GLI3: variants seen among roughly 807,000 people sequenced by gnomAD.
The protein encoded by GLI3 is GLI family zinc finger 3.
In GLI3, 20 loss-of-function variants were observed where a neutral mutation model predicts 100.8. The ratio of observed to expected loss-of-function variants is 0.20; its 90% CI spans 0.14 to 0.29. GLI3 has a LOEUF of 0.29. Among genes scored for constraint, GLI3 ranks in the 10% least tolerant of loss-of-function variants. The pLI is 1.00. For missense variants in GLI3, 2,040 were observed against 2,128.5 expected (o/e 0.96, Z 0.82); for synonymous variants, 938 against 860.5 (o/e 1.09, Z -1.58).
rs1787003910 is a variant in GLI3 at position 41,961,228 on chromosome 7, G to T, written c.*3102C>A. ...TTATTTTTTAAAAAAATCTAAAAAA[G>T]GTGAAAAAAATGAACTTGTATTTTA... is the stretch of plus-strand genomic sequence containing the variant. On this transcript the variant is annotated 3_prime_UTR_variant, in exon 15 of 15. Transcript: ENST00000395925. 1 of 152,474 alleles carries T rather than the reference G, an allele frequency of 6.6e-6. No homozygotes were observed. The highest frequency in any genetic ancestry group is 2.4e-5 in the African/African-American group (1 of 41,388). 9.4% of individuals were successfully genotyped at this position (152,474 alleles called of 1,614,324 possible).
At chr7:42,006,585 G>T (rs1308865881) in intron 10 of GLI3, among the ~76,000 whole-genome samples, 1 of 152,214 alleles carries the variant, frequency 6.6e-6, no homozygotes, top group Non-Finnish European at 1.5e-5. Context: ...TGAGGCTACA[G>T]ATATCCTATC....
chr7:42,115,949 C>T (rs763789818), intron 3 of GLI3, among the ~76,000 whole-genome samples: 5 of 152,048 alleles, frequency 3.3e-5, no homozygotes, highest in African/African-American at 9.7e-5. Flanking sequence ...TGTGGGTTGT[C>T]TTGGGTTTTC....
At chr7:42,123,409 T>G (rs1358234237) in intron 3 of GLI3, among the ~76,000 whole-genome samples, 1 of 152,196 alleles carries the variant, frequency 6.6e-6, no homozygotes, top group African/African-American at 2.4e-5. Flanking sequence ...GTCTATATTT[T>G]TGTTGACAGT....
chr7:42,133,944 G>T (rs1562749984), intron 3 of GLI3, among the ~76,000 whole-genome samples: 1 of 151,958 alleles, frequency 6.6e-6, no homozygotes, highest in Non-Finnish European at 1.5e-5. Context: ...TAGCCGGCGT[G>T]GTGTCGCGTG....
Position 41,961,879 on chromosome 7 carries a change from CCTT to C in GLI3, c.*2448_*2450del. 1 of 152,258 alleles carries C rather than the reference CCTT, an allele frequency of 6.6e-6. No homozygotes were observed. The highest frequency in any genetic ancestry group is 3.4e-3 in the Middle Eastern group (1 of 294). 9.4% of individuals were successfully genotyped at this position (152,258 alleles called of 1,614,324 possible). On this transcript the variant is annotated 3_prime_UTR_variant, in exon 15 of 15. Coordinates refer to ENST00000395925, the MANE Select transcript of GLI3 (RefSeq NM_000168.6). Reference sequence around the variant, plus strand: ...CTTCTTCCTCCCTCCTCTCCTCTGTCCTTCTGAAATTTCCATATTGAGAGAAGC... The same window carrying C: ...CTTCTTCCTCCCTCCTCTCCTCTGTCCTGAAATTTCCATATTGAGAGAAGC...
At chr7:42,109,419 T>C (rs1024170997) in intron 3 of GLI3, among the ~76,000 whole-genome samples, 2 of 152,166 alleles carry the variant, frequency 1.3e-5, no homozygotes, top group Non-Finnish European at 2.9e-5. Flanking sequence ...TATAATAAGA[T>C]ATTGCTGATG....
chr7:42,251,223 A>G (rs1789027434), intron 1 of GLI3, among the ~76,000 whole-genome samples: 2 of 152,008 alleles, frequency 1.3e-5, no homozygotes, highest in Non-Finnish European at 2.9e-5. Flanking sequence ...TTGGAAGACA[A>G]TTTTTCCACA....
chr7:41,976,546 C>T (rs1450049274), intron 12 of GLI3, among the ~76,000 whole-genome samples: 2 of 152,304 alleles, frequency 1.3e-5, no homozygotes, highest in East Asian at 3.9e-4. Flanking sequence ...GCCCAGCTCT[C>T]TGTCTGAAAG....
chr7:41,964,570 C>G lies in GLI3; in HGVS notation c.4503G>C (p.Gly1501=). The G allele has an allele frequency of 6.2e-6, 10 of 1,614,064 alleles. No individual in the cohort carries two copies. The highest frequency in any genetic ancestry group is 8.5e-6 in the Non-Finnish European group (10 of 1,179,912). Residue 1501 remains glycine (G), a synonymous_variant, in exon 15 of 15, where the codon GGG becomes GGC. Coordinates refer to ENST00000395925, the MANE Select transcript of GLI3 (RefSeq NM_000168.6). ...TGATGGCATCGAAGTCAATCTGTAC[C>G]CCTTCCAGGTCATGGCTGTCGAGGC... ...VDSLDSHDLE[G]VQIDFDAIID...
At chr7:42,261,978 CTCTTTCTTTCTT>C (rs141164464) in intron 1 of GLI3, among the ~76,000 whole-genome samples, 11 of 140,452 alleles carry the variant, frequency 7.8e-5, no homozygotes, top group Admixed American at 5.3e-4. Flanking sequence ...CTCTCGCTCT[CTCTTTCTTTCTT>C]TCTTTCTTTC....
intron 2 of GLI3, among the ~76,000 whole-genome samples, chr7:42,166,827 ATT>A (rs1218186592): frequency 8.8e-6 from 1 of 113,310 alleles, no homozygotes. Flanking sequence ...GACCAGCTAA[ATT>A]TTTTTTTTTT....
At chr7:42,234,629 G>A (rs1270932515) in intron 1 of GLI3, among the ~76,000 whole-genome samples, 1 of 152,078 alleles carries the variant, frequency 6.6e-6, no homozygotes, top group East Asian at 1.9e-4. Flanking sequence ...AAAGGCACTG[G>A]GAATTGGTAG....
At chr7:42,225,504 C>T (rs867618520) in intron 1 of GLI3, among the ~76,000 whole-genome samples, 1 of 152,116 alleles carries the variant, frequency 6.6e-6, no homozygotes, top group Admixed American at 6.5e-5. Context: ...GGATTACAGG[C>T]GCCCACCACC....
chr7:42,074,983 A>G (rs762704226), intron 4 of GLI3, among the ~76,000 whole-genome samples: 2 of 151,906 alleles, frequency 1.3e-5, no homozygotes, highest in Non-Finnish European at 2.9e-5. Context: ...GACTCCCCCG[A>G]CTCTGCCTAC....
At chr7:42,058,420 A>G (rs921419048) in intron 4 of GLI3, among the ~76,000 whole-genome samples, 3 of 152,248 alleles carry the variant, frequency 2.0e-5, no homozygotes, top group Admixed American at 6.5e-5. Context: ...TTAAAAGGAT[A>G]CATGCCAAAT....
At position 42,225,985 on chromosome 7, in the gene GLI3, C is replaced by A. The variant is rs111621856; in HGVS notation, c.-42-2690G>T. ...CCCTGTGACTTACAGGACTCTGCAG[C>A]GTCTTGAATTTCAATCACCACTGGT... On this transcript the variant is annotated intron_variant, in intron 1 of 14. Transcript: ENST00000395925. Among the ~76,000 whole-genome samples the A allele has an allele frequency of 1.9e-3, 288 of 152,274 alleles. 1 individual carries two copies. The highest frequency in any genetic ancestry group is 6.6e-3 in the African/African-American group (274 of 41,558).
chr7:42,212,874 A>G (rs1788297166), intron 2 of GLI3, among the ~76,000 whole-genome samples: 1 of 152,238 alleles, frequency 6.6e-6, no homozygotes, highest in Admixed American at 6.5e-5. Context: ...GGGAACAGAG[A>G]GCGCATTCCA....
intron 3 of GLI3, among the ~76,000 whole-genome samples, chr7:42,130,861 T>A (rs1786258382): frequency 6.6e-6 from 1 of 151,678 alleles, no homozygotes; most frequent in African/African-American, 2.4e-5. Flanking sequence ...GATAAAAAGA[T>A]CCCAAAAGTT....
At chr7:42,055,519 A>G (rs1375144655) in intron 4 of GLI3, among the ~76,000 whole-genome samples, 1 of 152,010 alleles carries the variant, frequency 6.6e-6, no homozygotes, top group East Asian at 1.9e-4. Context: ...TGCTCCCCCA[A>G]GGCCACTGTT....
Sources: allele counts gnomAD v4.1 joint callset (sites outside exome capture counted in the v4.1 genomes callset), GRCh38; gene constraint gnomAD v4.1.1; transcripts MANE v1.5; gene names NCBI Gene and HGNC (gene_info 2026-07-23, HGNC 2026-07-21).